RPRD1A: variants seen among roughly 807,000 people sequenced by gnomAD.
RPRD1A encodes regulation of nuclear pre-mRNA domain-containing protein 1A.
A neutral mutation model predicts 37.8 loss-of-function variants in RPRD1A; 9 were observed. That is an observed-to-expected ratio of 0.24 (90% confidence interval 0.14 to 0.42). The LOEUF (loss-of-function observed/expected upper bound fraction) is 0.42, where lower values mean the gene tolerates loss of function less well. RPRD1A is among the 10% of genes least tolerant of loss of function. The probability of loss-of-function intolerance (pLI) is 1.00; values close to 1 mark genes in which losing one functional copy is unlikely to be tolerated. For synonymous variants in RPRD1A, 138 were observed against 139.7 expected, an observed-to-expected ratio of 0.99 and a Z score of 0.08; for missense variants, 255 against 371.0, an observed-to-expected ratio of 0.69 and a Z score of 2.57.
intron 6 of RPRD1A, chr18:36,025,868 A>C: frequency 3.2e-6 from 1 of 310,872 alleles, no homozygotes; most frequent in Non-Finnish European, 6.1e-6. Context: ...AAAAAAAACC[A>C]TCTTTTCCTT....
intron 6 of RPRD1A, among the ~76,000 whole-genome samples, chr18:36,005,197 A>C (rs1372757118): frequency 1.3e-5 from 2 of 152,052 alleles, no homozygotes; most frequent in Non-Finnish European, 2.9e-5. Context: ...GCTACTCCAG[A>C]GCCTGAGGCA....
At chr18:36,027,460 ATGTT>A in intron 4 of RPRD1A, 150 bp from the exon 5 acceptor site, 3 of 763,200 alleles carry the variant, frequency 3.9e-6, no homozygotes, top group African/African-American at 1.8e-5. Context: ...TTTCTTTCAT[ATGTT>A]AAGAAAAAAG....
At chr18:36,009,365 A>C (rs1910025932) in intron 6 of RPRD1A, among the ~76,000 whole-genome samples, 2 of 152,146 alleles carry the variant, frequency 1.3e-5, no homozygotes, top group Non-Finnish European at 2.9e-5. Flanking sequence ...GGCCCAAGAA[A>C]GGAGGATATG....
At chr18:36,021,535 T>C (rs1166190995) in intron 6 of RPRD1A, among the ~76,000 whole-genome samples, 3 of 152,172 alleles carry the variant, frequency 2.0e-5, no homozygotes, top group Admixed American at 2.0e-4. Context: ...GGCCTCTAAA[T>C]GTTCAAGTGA....
intron 1 of RPRD1A, among the ~76,000 whole-genome samples, chr18:36,065,137 G>T (rs756316358): frequency 6.6e-6 from 1 of 152,178 alleles, no homozygotes; most frequent in South Asian, 2.1e-4. Context: ...CTTCATTCTT[G>T]AAGTCAGCGA....
At chr18:36,002,306 T>A (rs1317833609) in intron 6 of RPRD1A, among the ~76,000 whole-genome samples, 1 of 152,248 alleles carries the variant, frequency 6.6e-6, no homozygotes, top group African/African-American at 2.4e-5. Flanking sequence ...TCTTTTCCAT[T>A]CTGTTTTCAC....
At chr18:36,008,588 T>TATATATATATATATATATATATATATATA (rs1304683314) in intron 6 of RPRD1A, among the ~76,000 whole-genome samples, 1 of 134,660 alleles carries the variant, frequency 7.4e-6, no homozygotes, top group Non-Finnish European at 1.6e-5. Flanking sequence ...TATATATATA[T>TATATATATATATATATATATATATATATA]ATCTTTAAAA....
chr18:36,054,401 G>A (rs562474375), intron 1 of RPRD1A, among the ~76,000 whole-genome samples: 1 of 152,324 alleles, frequency 6.6e-6, no homozygotes, highest in East Asian at 1.9e-4. Flanking sequence ...GCTGAGGCAG[G>A]AGAATCACGA....
rs182907146 is a variant in RPRD1A, at chr18:36,045,219, G to A, written c.152-11382C>T. ...CGCACCACTGCACTCCATCCTGGGT[G>A]ACAGAGCAATACTCCGTCTCAAAAA... On this transcript the variant is annotated intron_variant, in intron 1 of 6. Transcript: ENST00000399022. 9.9e-5 allele frequency among the ~76,000 whole-genome samples: 15 copies of A among 152,176 alleles called. No homozygotes were observed. In the East Asian group the frequency reaches 2.1e-3, roughly 22 times the overall value.
intron 6 of RPRD1A, chr18:36,025,275 G>A: frequency 5.2e-6 from 1 of 193,260 alleles, no homozygotes; most frequent in East Asian, 1.3e-4. Flanking sequence ...ATCAAATGTG[G>A]ATAATACATC....
At chr18:36,051,790 T>C (rs973290068) in intron 1 of RPRD1A, among the ~76,000 whole-genome samples, 4 of 152,096 alleles carry the variant, frequency 2.6e-5, no homozygotes, top group Admixed American at 6.5e-5. Context: ...ATTAAAATTA[T>C]TGAGTCTGAG....
intron 4 of RPRD1A, chr18:36,028,047 A>G: frequency 6.6e-6 from 1 of 152,124 alleles, no homozygotes; most frequent in East Asian, 1.9e-4. Context: ...ACAACTCATA[A>G]TGTCTATAAA....
At chr18:36,027,148 C>A (rs1415105102) in intron 5 of RPRD1A, 36 bp downstream of exon 5, 1 of 1,612,782 alleles carries the variant, frequency 6.2e-7, no homozygotes. Flanking sequence ...CATCCCAACT[C>A]CCAAAAAAGT....
chr18:36,024,196 G>A (rs1911203818), intron 6 of RPRD1A, among the ~76,000 whole-genome samples: 1 of 151,926 alleles, frequency 6.6e-6, no homozygotes, highest in Admixed American at 6.6e-5. Flanking sequence ...GCCCAGTCTG[G>A]AGGGCAGTGG....
chr18:36,031,398 G>A (rs1356598239), intron 2 of RPRD1A, among the ~76,000 whole-genome samples: 3 of 152,122 alleles, frequency 2.0e-5, no homozygotes, highest in South Asian at 4.1e-4. Flanking sequence ...CTGGACATGG[G>A]GCTAAGGAAG....
In RPRD1A at chr18:35,990,297, G is replaced by A. The variant is rs1908646873; in HGVS notation, c.*2854C>T. The A allele has an allele frequency of 6.6e-6, 1 of 152,130 alleles. No individual in the cohort carries two copies. The highest frequency in any genetic ancestry group is 1.5e-5 in the Non-Finnish European group (1 of 68,016). The allele number at this position is 152,130 out of a possible 1,614,324, so 9.4% of individuals were successfully genotyped here. ...CAGTAACTATACTTTAAAAAGATGAGTTGCTCATCTACAGTGATAACTGAC... is the reference window on the plus strand; with the variant it reads ...CAGTAACTATACTTTAAAAAGATGAATTGCTCATCTACAGTGATAACTGAC... On this transcript the variant is annotated 3_prime_UTR_variant, in exon 7 of 7. Coordinates refer to ENST00000399022, the MANE Select transcript of RPRD1A (RefSeq NM_018170.5).
intron 1 of RPRD1A, among the ~76,000 whole-genome samples, chr18:36,061,589 G>A (rs1348598296): frequency 1.3e-5 from 2 of 152,154 alleles, no homozygotes; most frequent in African/African-American, 2.4e-5. Context: ...TATTTCTACA[G>A]AAATGAATAT....
At chr18:36,005,630 C>G (rs1036741149) in intron 6 of RPRD1A, among the ~76,000 whole-genome samples, 3 of 152,258 alleles carry the variant, frequency 2.0e-5, no homozygotes, top group Admixed American at 6.5e-5. Context: ...AATTTTAGAG[C>G]TAGGTCTTAT....
At chr18:36,008,435 G>C (rs986843817) in intron 6 of RPRD1A, among the ~76,000 whole-genome samples, 12 of 151,140 alleles carry the variant, frequency 7.9e-5, no homozygotes, top group Non-Finnish European at 1.8e-4. Flanking sequence ...AATTAGCCAG[G>C]CATGGTAGCA....
Sources: gnomAD v4.1 joint callset for allele counts (sites outside exome capture counted in the v4.1 genomes callset) on GRCh38, gnomAD v4.1.1 for gene constraint, MANE v1.5 for transcripts, NCBI Gene and HGNC (gene_info 2026-07-23, HGNC 2026-07-21) for gene names.